Variants in PID1 observed in about 807,000 individuals in gnomAD.
The protein encoded by PID1 is PTB-containing, cubilin and LRP1-interacting protein.
In PID1, 10 loss-of-function variants were observed where a neutral mutation model predicts 19.1. The ratio of observed to expected loss-of-function variants is 0.52; its 90% CI spans 0.32 to 0.89. PID1 has a LOEUF of 0.89. Among genes scored for constraint, PID1 ranks in the 40% least tolerant of loss-of-function variants. The pLI is 0.03. For synonymous variants in PID1, 130 were observed against 116.0 expected, an observed-to-expected ratio of 1.12 and a Z score of -0.78; for missense variants, 248 against 285.3, an observed-to-expected ratio of 0.87 and a Z score of 0.94.
At chr2:229,246,062 TA>T (rs1211907194) in intron 1 of PID1, among the ~76,000 whole-genome samples, 1 of 152,162 alleles carries the variant, frequency 6.6e-6, no homozygotes, top group Non-Finnish European at 1.5e-5. Flanking sequence ...TCTGTAGAAA[TA>T]AAAACAGAAT....
rs775619392 is a variant in PID1 at position 229,133,643 on chromosome 2, A to G, written c.177+22175T>C. Among the ~76,000 whole-genome samples the G allele has an allele frequency of 8.9e-4, 136 of 152,220 alleles. 2 individuals are homozygous for G. The highest frequency in any genetic ancestry group is 8.7e-3 in the Admixed American group (133 of 15,280). On this transcript the variant is annotated intron_variant, in intron 2 of 2. Coordinates refer to ENST00000392055, the MANE Select transcript of PID1 (RefSeq NM_001100818.2). ...AAAGTAAATTAATTCTTCATGCCCA[A>G]TATCGACAACTCAACTGATTTGACC...
intron 1 of PID1, among the ~76,000 whole-genome samples, chr2:229,157,430 CA>C (rs144446508): frequency 0.01 from 1,259 of 124,998 alleles, 14 homozygotes; most frequent in African/African-American, 0.028. Flanking sequence ...GATTCCATCT[CA>C]AAAAAAAAAA....
chr2:229,192,764 T>C (rs527367623), intron 1 of PID1, among the ~76,000 whole-genome samples: 60 of 152,298 alleles, frequency 3.9e-4, no homozygotes, highest in Non-Finnish European at 4.3e-4. Context: ...CCTGACACAA[T>C]GGCGTTCAAT....
chr2:229,264,697 C>T (rs750031659), intron 1 of PID1, among the ~76,000 whole-genome samples: 6 of 152,166 alleles, frequency 3.9e-5, no homozygotes, highest in Non-Finnish European at 7.3e-5. Context: ...GCTGAGCTAG[C>T]TAGGGATCTT....
chr2:229,076,975 T>C (rs1218855674), intron 2 of PID1, among the ~76,000 whole-genome samples: 1 of 152,218 alleles, frequency 6.6e-6, no homozygotes. Flanking sequence ...CACCACACTG[T>C]CTTCCACAAT....
chr2:229,025,894 G>T lies in PID1; in HGVS notation c.392C>A (p.Ala131Asp), dbSNP rs1574563668. Reference protein sequence around the residue: ...ATVHMDTFQVARIAYCTADHN... With the variant: ...ATVHMDTFQVDRIAYCTADHN... ...GTCGGCGGTGCAGTAGGCGATGCGG[G>T]CCACCTGGAAGGTATCCATGTGCAC... The change falls in exon 3 of 3, where the codon GCC becomes GAC. Residue 131 changes from alanine to aspartate, a missense_variant. Ala to Asp is a moderately radical substitution (Grantham distance 126). Coordinates refer to ENST00000392055, the MANE Select transcript of PID1 (RefSeq NM_001100818.2). 1 of 1,614,070 alleles carries T rather than the reference G, an allele frequency of 6.2e-7. No homozygotes were observed. The highest frequency in any genetic ancestry group is 1.3e-5 in the African/African-American group (1 of 74,924).
chr2:229,223,235 C>T (rs536139689), intron 1 of PID1, among the ~76,000 whole-genome samples: 174 of 152,210 alleles, frequency 1.1e-3, no homozygotes, highest in African/African-American at 4.1e-3. Flanking sequence ...TAAAAAACAA[C>T]CAAAAAGCCC....
At chr2:229,117,110 T>C (rs1309177448) in intron 2 of PID1, among the ~76,000 whole-genome samples, 1 of 152,210 alleles carries the variant, frequency 6.6e-6, no homozygotes, top group African/African-American at 2.4e-5. Flanking sequence ...CAGTTCTCTA[T>C]TCTGAGCTCC....
intron 2 of PID1, among the ~76,000 whole-genome samples, chr2:229,056,581 A>G (rs1188795473): frequency 6.6e-6 from 1 of 151,040 alleles, no homozygotes; most frequent in Non-Finnish European, 1.5e-5. Context: ...TTTCTCTTTG[A>G]CTACAGCCCA....
At position 229,163,682 on chromosome 2, in the gene PID1, C is replaced by T. The variant is rs62190425; in HGVS notation, c.31-7718G>A. Among the ~76,000 whole-genome samples, 390 of 51,456 alleles carry T rather than the reference C, an allele frequency of 7.6e-3. 4 individuals are homozygous for T. The highest frequency in any genetic ancestry group is 0.02 in the African/African-American group (346 of 17,300). The allele number at this position is 51,456 out of a possible 152,430, so 33.8% of individuals were successfully genotyped here. A position where few individuals can be genotyped will look rare whatever the true frequency, so the allele number is the denominator to read the frequency against. On this transcript the variant is annotated intron_variant, in intron 1 of 2. Transcript: ENST00000392055. The stretch of plus-strand genomic sequence containing the variant: ...GTGTGTGTGTGTGTGTGTGCGTGTG[C>T]GTGTGTGTGTGTGTATACTCACTAA...
At chr2:229,225,949 C>T (rs1267542724) in intron 1 of PID1, among the ~76,000 whole-genome samples, 2 of 152,152 alleles carry the variant, frequency 1.3e-5, no homozygotes, top group Non-Finnish European at 2.9e-5. Flanking sequence ...ACGGGAACTA[C>T]AGTTCAGGAT....
chr2:229,025,784 C>T lies in PID1; in HGVS notation c.502G>A (p.Glu168Lys). 6.2e-7 allele frequency: 1 copy of T among 1,614,258 alleles called. No individual in the cohort carries two copies. Among genetic ancestry groups the T allele is most frequent in the Non-Finnish European group, 8.5e-7 (1 of 1,180,038 alleles). ...TTGGCCTCGAGCTTGCTCTCGCACT[C>T]CACGGCGTGGCAGTCCATCTGGTAG... is the stretch of plus-strand genomic sequence containing the variant. ...LSYQMDCHAV[E>K]CESKLEAKKL... The change falls in exon 3 of 3, where the codon GAG becomes AAG. Residue 168 changes from glutamate to lysine, a missense_variant. Glu to Lys is a moderately conservative substitution (Grantham distance 56). Transcript: ENST00000392055.
chr2:229,121,782 C>CGAG (rs1695527056), intron 2 of PID1, among the ~76,000 whole-genome samples: 1 of 152,060 alleles, frequency 6.6e-6, no homozygotes, highest in Non-Finnish European at 1.5e-5. Context: ...TACACTTGAT[C>CGAG]GAGGTCTAGG....
At chr2:229,220,232 TC>T (rs1281259497) in intron 1 of PID1, among the ~76,000 whole-genome samples, 1 of 152,090 alleles carries the variant, frequency 6.6e-6, no homozygotes, top group Admixed American at 6.6e-5. Context: ...TTGCCCAGGC[TC>T]CCATGACACT....
At chr2:229,030,876 T>C (rs999973927) in intron 2 of PID1, among the ~76,000 whole-genome samples, 5 of 152,136 alleles carry the variant, frequency 3.3e-5, no homozygotes, top group African/African-American at 7.2e-5. Flanking sequence ...TATGAGATTA[T>C]ATAAATTCGA....
At chr2:229,102,943 T>G (rs1355715285) in intron 2 of PID1, among the ~76,000 whole-genome samples, 1 of 152,134 alleles carries the variant, frequency 6.6e-6, no homozygotes, top group African/African-American at 2.4e-5. Flanking sequence ...GCAACTTTAT[T>G]CAATCTCTCA....
intron 2 of PID1, among the ~76,000 whole-genome samples, chr2:229,116,017 G>A (rs1336934879): frequency 1.3e-5 from 2 of 152,104 alleles, no homozygotes; most frequent in East Asian, 1.9e-4. Flanking sequence ...TCAGGAGATG[G>A]AGACGACCAT....
intron 2 of PID1, among the ~76,000 whole-genome samples, chr2:229,153,746 C>T (rs1690307706): frequency 6.6e-6 from 1 of 152,160 alleles, no homozygotes; most frequent in African/African-American, 2.4e-5. Flanking sequence ...CAAACACACA[C>T]ACATTTATTT....
At chr2:229,161,584 CTCT>C (rs1348308330) in intron 1 of PID1, among the ~76,000 whole-genome samples, 1 of 152,216 alleles carries the variant, frequency 6.6e-6, no homozygotes, top group Non-Finnish European at 1.5e-5. Flanking sequence ...GTAACGTTAT[CTCT>C]TTTTTAAAAA....
Sources: gnomAD v4.1 joint callset for allele counts (sites outside exome capture counted in the v4.1 genomes callset) on GRCh38, gnomAD v4.1.1 for gene constraint, MANE v1.5 for transcripts, NCBI Gene and HGNC (gene_info 2026-07-23, HGNC 2026-07-21) for gene names.